SLC22A15: variants seen among roughly 807,000 people sequenced by gnomAD.
SLC22A15 encodes the protein flipt 1.
Under a neutral mutation model 62.7 loss-of-function variants are expected in SLC22A15, and 45 were observed. The observed-to-expected ratio is 0.72, with a 90% CI of 0.56 to 0.92. SLC22A15 has a LOEUF of 0.92. Ranked by LOEUF, SLC22A15 falls within the 40% of genes least tolerant of loss-of-function variation. The pLI is 0.00. For synonymous variants in SLC22A15, 264 were observed against 267.0 expected (o/e 0.99, Z 0.11); for missense variants, 622 against 665.6 (o/e 0.93, Z 0.72).
At position 115,992,149 on chromosome 1, in the gene SLC22A15, A is replaced by G. The variant is rs1291527968; in HGVS notation, c.206A>G (p.Asp69Gly). The change falls in exon 2 of 12, where the codon GAC (aspartate) becomes GGC (glycine). Residue 69 changes from aspartate (D) to glycine (G), a missense_variant. Physicochemically the swap from Asp to Gly is moderately conservative, Grantham distance 94. Transcript: ENST00000369503. ...QSHGNQSAGEDQAFGDWLLTA... is the reference protein window; with the variant it reads ...QSHGNQSAGEGQAFGDWLLTA... ...CACGGTAACCAGTCAGCTGGTGAAG[A>G]CCAGGCCTTTGGGGACTGGCTCCTG... The G allele has an allele frequency of 6.2e-7, 1 of 1,613,482 alleles. No individual in the cohort carries two copies. Among genetic ancestry groups the G allele is most frequent in the South Asian group, 1.1e-5 (1 of 90,892 alleles).
intron 2 of SLC22A15, among the ~76,000 whole-genome samples, chr1:115,992,543 C>T (rs1475844145): frequency 6.6e-6 from 1 of 151,898 alleles, no homozygotes; most frequent in Non-Finnish European, 1.5e-5. Flanking sequence ...AAACTTTAAT[C>T]TCTCTTTATT....
At chr1:115,989,039 A>G (rs1225480569) in intron 1 of SLC22A15, among the ~76,000 whole-genome samples, 1 of 152,132 alleles carries the variant, frequency 6.6e-6, no homozygotes, top group Non-Finnish European at 1.5e-5. Flanking sequence ...GGCACTGCAT[A>G]GAAGAGTTGC....
At chr1:116,031,286 C>A in intron 5 of SLC22A15, 80 bp from the exon 6 acceptor site, 1 of 1,050,632 alleles carries the variant, frequency 9.5e-7, no homozygotes, top group Non-Finnish European at 1.4e-6. Context: ...CAGGAATCCA[C>A]GTACTGAGTA....
chr1:116,051,896 G>A (rs565465616), intron 8 of SLC22A15, among the ~76,000 whole-genome samples: 28 of 152,248 alleles, frequency 1.8e-4, no homozygotes, highest in Non-Finnish European at 1.0e-4. Context: ...CTTTATCAGC[G>A]GCATGAAAAC....
At chr1:116,040,523 C>G (rs1366795871) in intron 8 of SLC22A15, among the ~76,000 whole-genome samples, 2 of 152,212 alleles carry the variant, frequency 1.3e-5, no homozygotes, top group Non-Finnish European at 2.9e-5. Context: ...GGTTGCATAG[C>G]AAGTAAGTAG....
chr1:116,038,073 G>A (rs1229863758), intron 8 of SLC22A15, among the ~76,000 whole-genome samples: 1 of 152,140 alleles, frequency 6.6e-6, no homozygotes, highest in Non-Finnish European at 1.5e-5. Context: ...CACACCTGAG[G>A]TATGACAGTG....
chr1:116,043,234 G>A (rs1255489070), intron 8 of SLC22A15, among the ~76,000 whole-genome samples: 1 of 152,124 alleles, frequency 6.6e-6, no homozygotes, highest in Non-Finnish European at 1.5e-5. Context: ...GATCAGCCTG[G>A]CCAACATGGT....
chr1:116,062,259 T>A (rs1658402054), intron 8 of SLC22A15, among the ~76,000 whole-genome samples: 1 of 152,122 alleles, frequency 6.6e-6, no homozygotes. Flanking sequence ...TGATAGTAAT[T>A]GAATGGCATT....
intron 2 of SLC22A15, among the ~76,000 whole-genome samples, chr1:115,995,638 T>TTGTC (rs1363046847): frequency 6.6e-6 from 1 of 152,202 alleles, no homozygotes; most frequent in Non-Finnish European, 1.5e-5. Flanking sequence ...TTTCTCTCCC[T>TTGTC]TGTCTGTCTG....
intron 5 of SLC22A15, among the ~76,000 whole-genome samples, chr1:116,030,326 C>T (rs1450919944): frequency 1.3e-5 from 2 of 152,116 alleles, no homozygotes; most frequent in East Asian, 1.9e-4. Context: ...TTTCCAAATC[C>T]TGTAGTGTTT....
rs191145189 is a variant in SLC22A15 at position 116,066,700 on chromosome 1, C to A, written c.1546C>A (p.Pro516Thr). 101 of 1,611,344 alleles carry A rather than the reference C, an allele frequency of 6.3e-5. No homozygotes were observed. In the Middle Eastern group the frequency reaches 1.2e-3, roughly 19 times the overall value. Residue 516 changes from proline (P) to threonine (T), a missense_variant, in exon 11 of 12, where the codon CCC becomes ACC. Coordinates refer to ENST00000369503, the MANE Select transcript of SLC22A15 (RefSeq NM_018420.3). Reference sequence around the variant, plus strand: ...AGCATTATCTTTACAGGCTTTGGACCCCCAACAGGTGTGATATTTTTCTTA... The same window carrying A: ...AGCATTATCTTTACAGGCTTTGGACACCCAACAGGTGTGATATTTTTCTTA... The part of the protein sequence containing the change: ...EEALSLQALD[P>T]QQCVDKESSL...
At chr1:116,008,173 G>A (rs1656077768) in intron 2 of SLC22A15, among the ~76,000 whole-genome samples, 1 of 152,128 alleles carries the variant, frequency 6.6e-6, no homozygotes, top group South Asian at 2.1e-4. Context: ...AAGAAACTGA[G>A]GCACAAAATA....
intron 5 of SLC22A15, among the ~76,000 whole-genome samples, chr1:116,027,602 A>ACAAGG (rs1248032856): frequency 6.6e-6 from 1 of 151,870 alleles, no homozygotes; most frequent in Non-Finnish European, 1.5e-5. Flanking sequence ...CATAGATGTT[A>ACAAGG]CAAGGCAGGC....
intron 5 of SLC22A15, among the ~76,000 whole-genome samples, chr1:116,028,523 C>CTTTTTTTTTTTTT (rs1177157642): frequency 1.2e-5 from 1 of 84,056 alleles, no homozygotes; most frequent in Non-Finnish European, 2.2e-5. Context: ...AGCTGTTCTG[C>CTTTTTTTTTTTTT]TTTTTTTTTT....
At chr1:116,039,298 T>C (rs557297987) in intron 8 of SLC22A15, among the ~76,000 whole-genome samples, 3 of 152,270 alleles carry the variant, frequency 2.0e-5, no homozygotes, top group African/African-American at 7.2e-5. Context: ...CTTTGGAGGC[T>C]GAGGTGGGTG....
chr1:116,054,789 T>C (rs1442575120), intron 8 of SLC22A15, among the ~76,000 whole-genome samples: 2 of 152,190 alleles, frequency 1.3e-5, no homozygotes, highest in Non-Finnish European at 2.9e-5. Flanking sequence ...CTGAGCAACC[T>C]GCTCCCGAAT....
Position 116,019,611 on chromosome 1 carries a change from A to G in SLC22A15, c.330A>G (p.Lys110=), listed in dbSNP as rs781235201. 6.2e-7 allele frequency: 1 copy of G among 1,611,394 alleles called. No individual in the cohort carries two copies. The change falls in exon 3 of 12, where the codon AAA becomes AAG. Residue 110 remains lysine (K), a synonymous_variant. Coordinates refer to ENST00000369503, the MANE Select transcript of SLC22A15 (RefSeq NM_018420.3). ...TTTTAATTGCCAACAGATCCTACAAAGTCAGTGCAGCAAGCTCTTTTTTCT... is the reference window on the plus strand; with the variant it reads ...TTTTAATTGCCAACAGATCCTACAAGGTCAGTGCAGCAAGCTCTTTTTTCT... ...EWFLIANRSY[K]VSAASSFFFS...
At chr1:116,032,098 A>G in intron 6 of SLC22A15, 6 of 985,350 alleles carry the variant, frequency 6.1e-6, no homozygotes, top group Non-Finnish European at 7.2e-6. Flanking sequence ...GGACCCCAGG[A>G]GTTTGAAGTG....
chr1:116,022,558 A>G (rs529623162), intron 4 of SLC22A15, among the ~76,000 whole-genome samples: 2 of 152,306 alleles, frequency 1.3e-5, no homozygotes, highest in African/African-American at 2.4e-5. Context: ...AAAAACGTAT[A>G]CCACTCCCAC....
Sources: allele counts gnomAD v4.1 joint callset (sites outside exome capture counted in the v4.1 genomes callset), GRCh38; gene constraint gnomAD v4.1.1; transcripts MANE v1.5; gene names NCBI Gene and HGNC (gene_info 2026-07-23, HGNC 2026-07-21).